Variants in STYXL1 observed in about 807,000 individuals in gnomAD.
STYXL1 encodes the protein serine/threonine/tyrosine-interacting-like protein 1.
STYXL1 carries 32 observed loss-of-function variants against 36.4 expected under a neutral mutation model. The ratio of observed to expected loss-of-function variants is 0.88; its 90% confidence interval spans 0.66 to 1.18. The LOEUF (loss-of-function observed/expected upper bound fraction) is 1.18, where lower values mean the gene tolerates loss of function less well. Among genes scored for constraint, STYXL1 ranks in the 50% most tolerant of loss-of-function variants. The pLI is 0.00. For missense variants in STYXL1, 354 were observed against 394.1 expected (o/e 0.90, Z 0.86); for synonymous variants, 133 against 144.1 (o/e 0.92, Z 0.55).
At position 75,996,380 on chromosome 7, in the gene STYXL1, A is replaced by T. The variant is rs1554563869; in HGVS notation, c.*88T>A. 6.2e-7 allele frequency: 1 copy of T among 1,611,370 alleles called. No individual in the cohort carries two copies. Among genetic ancestry groups the T allele is most frequent in the African/African-American group, 1.3e-5 (1 of 74,880 alleles). On this transcript the variant is annotated 3_prime_UTR_variant, in exon 9 of 9. Transcript: ENST00000359697. ...CAGCAAAGGCCTTCTCCTTCCAGAC[A>T]AGCCTGGGTATACACACTCTGGCCC...
chr7:76,041,372 G>C (rs1034773491), intron 1 of STYXL1, among the ~76,000 whole-genome samples: 1 of 152,012 alleles, frequency 6.6e-6, no homozygotes, highest in Non-Finnish European at 1.5e-5. Flanking sequence ...GGGGTGAGGA[G>C]GGTGTGTTAT....
intron 1 of STYXL1, among the ~76,000 whole-genome samples, chr7:76,046,782 T>C (rs550302769): frequency 2.0e-5 from 3 of 151,008 alleles, no homozygotes; most frequent in African/African-American, 4.9e-5. Flanking sequence ...TCCGGAGTAG[T>C]TGGGGCTACA....
chr7:76,028,574 C>T, intron 3 of STYXL1, 68 bp downstream of exon 3: 2 of 1,468,586 alleles, frequency 1.4e-6, no homozygotes, highest in Admixed American at 1.7e-5. Context: ...GAGGGTGAAA[C>T]TTCCCACTCT....
In STYXL1 at chr7:76,030,437, G is replaced by A; in HGVS notation, c.87C>T (p.Asn29=). The A allele has an allele frequency of 6.2e-7, 1 of 1,612,440 alleles. No individual in the cohort carries two copies. The highest frequency in any genetic ancestry group is 2.2e-5 in the East Asian group (1 of 44,864). The change falls in exon 2 of 9, where the codon AAC becomes AAT. Residue 29 remains asparagine (N), a synonymous_variant. Transcript: ENST00000359697. The part of the protein sequence containing the change: ...ATKLSRLTDP[N]YLCLLDVRSK... ...AGTACTTACCCAATAAACAGAGATA[G>A]TTGGGGTCTGTTAATCTGGAGAGTT...
At chr7:76,033,485 G>A (rs1266049857) in intron 1 of STYXL1, among the ~76,000 whole-genome samples, 1 of 152,164 alleles carries the variant, frequency 6.6e-6, no homozygotes, top group Non-Finnish European at 1.5e-5. Context: ...AGAGCAGAGT[G>A]GAGCCTCTGG....
intron 4 of STYXL1, among the ~76,000 whole-genome samples, chr7:76,020,083 T>C (rs1180347489): frequency 6.6e-6 from 1 of 152,074 alleles, no homozygotes; most frequent in Non-Finnish European, 1.5e-5. Flanking sequence ...TTCCTGTGAA[T>C]GGGGGCCCCA....
intron 3 of STYXL1, among the ~76,000 whole-genome samples, chr7:76,025,606 A>G (rs1554577462): frequency 6.6e-6 from 1 of 152,074 alleles, no homozygotes; most frequent in Non-Finnish European, 1.5e-5. Context: ...CCTGGCCAAC[A>G]TGGCGAAACT....
At position 76,047,730 on chromosome 7, in the gene STYXL1, C is replaced by G; in HGVS notation, c.-73G>C. On this transcript the variant is annotated 5_prime_UTR_variant, in exon 1 of 9. Coordinates refer to ENST00000359697, the MANE Select transcript of STYXL1 (RefSeq NM_001317785.2). ...GAATGGGTTTGGCTGAGGTCGGGGG[C>G]TCGGGTCTGGGACGCGCTCCACCTC... 3.8e-6 allele frequency: 1 copy of G among 260,370 alleles called. No homozygotes were observed. Among genetic ancestry groups the G allele is most frequent in the Non-Finnish European group, 7.4e-6 (1 of 135,424 alleles). The allele number at this position is 260,370 out of a possible 1,614,324, so 16.1% of individuals were successfully genotyped here. A position where few individuals can be genotyped will look rare whatever the true frequency, so the allele number is the denominator to read the frequency against.
chr7:76,039,010 C>G (rs1387740776), intron 1 of STYXL1, among the ~76,000 whole-genome samples: 2 of 143,634 alleles, frequency 1.4e-5, no homozygotes, highest in Non-Finnish European at 3.0e-5. Context: ...TGCAGTGGTG[C>G]AATCTCGGCT....
chr7:76,037,529 A>C (rs1233441698), intron 1 of STYXL1, among the ~76,000 whole-genome samples: 1 of 149,940 alleles, frequency 6.7e-6, no homozygotes, highest in Non-Finnish European at 1.5e-5. Context: ...CTAAGCAGGG[A>C]CCCAGCCAGA....
rs782546212 is a variant in STYXL1 at position 76,021,987 on chromosome 7, AT to A, written c.170del (p.Asn57IlefsTer15). On this transcript the variant is annotated frameshift_variant, in exon 4 of 9. Transcript: ENST00000359697. LOFTEE classifies it high-confidence loss of function. The part of the protein sequence containing the change: ...VITALRVKKK[N>X]NEYLLPESVD... ...CAGACTCCGGGAGAAGATATTCATT[AT>A]TTTTCTTAAAAAAAAAAACACACAC... The A allele has an allele frequency of 5.6e-6, 9 of 1,598,266 alleles. No homozygotes were observed. The South Asian group carries it at 1.0e-4, about 18-fold the overall frequency.
chr7:76,021,739 TCA>T (rs1794098047), intron 4 of STYXL1, 110 bp downstream of exon 4: 1 of 779,594 alleles, frequency 1.3e-6, no homozygotes, highest in Non-Finnish European at 2.2e-6. Flanking sequence ...CCCTGCTGTC[TCA>T]GTGTCATTGG....
At chr7:76,020,789 G>A (rs1326027324) in intron 4 of STYXL1, among the ~76,000 whole-genome samples, 1 of 151,952 alleles carries the variant, frequency 6.6e-6, no homozygotes, top group Non-Finnish European at 1.5e-5. Flanking sequence ...GGGACTACAG[G>A]TATGAGTCAC....
In STYXL1 at chr7:76,047,948, A is replaced by T. The variant is rs1291575372; in HGVS notation, c.-291T>A. On this transcript the variant is annotated 5_prime_UTR_variant, in exon 1 of 9. Transcript: ENST00000359697. ...GACGGCTACGCTAGAACCCAGCCAA[A>T]CACCGGGGTTGCCAGGATGGTCCCA... 2 of 1,452,698 alleles carry T rather than the reference A, an allele frequency of 1.4e-6. No individual in the cohort carries two copies. The highest frequency in any genetic ancestry group is 1.8e-6 in the Non-Finnish European group (2 of 1,103,308). The allele number at this position is 1,452,698 out of a possible 1,614,324, so 90.0% of individuals were successfully genotyped here.
At chr7:76,046,339 TGCGCGCGCGCGC>T (rs60118008) in intron 1 of STYXL1, among the ~76,000 whole-genome samples, 1 of 44,906 alleles carries the variant, frequency 2.2e-5, no homozygotes, top group African/African-American at 7.3e-5. Context: ...TGTGTGTGTG[TGCGCGCGCGCGC>T]GCGCGCGCTT....
intron 8 of STYXL1, among the ~76,000 whole-genome samples, chr7:76,000,083 C>T (rs188758919): frequency 3.3e-5 from 5 of 151,714 alleles, no homozygotes; most frequent in East Asian, 3.9e-4. Context: ...CCCAGCTACG[C>T]GGGAGGCAGA....
chr7:76,042,095 T>A (rs1796523717), intron 1 of STYXL1, among the ~76,000 whole-genome samples: 1 of 152,162 alleles, frequency 6.6e-6, no homozygotes, highest in Admixed American at 6.5e-5. Context: ...TGTGTGTGAG[T>A]CTGTGTATAT....
In STYXL1 at chr7:75,996,431, A is replaced by C. The variant is rs782149132; in HGVS notation, c.*37T>G. ...TCCACCCACAAAATGCCCCCAGGTG[A>C]GGCTCTTCAGTACCCTTCGGTGGGC... On this transcript the variant is annotated 3_prime_UTR_variant, in exon 9 of 9. Coordinates refer to ENST00000359697, the MANE Select transcript of STYXL1 (RefSeq NM_001317785.2). 6.2e-7 allele frequency: 1 copy of C among 1,614,060 alleles called. No individual in the cohort carries two copies. Among genetic ancestry groups the C allele is most frequent in the Admixed American group, 1.7e-5 (1 of 60,022 alleles).
chr7:75,999,538 T>TGAGA (rs1554565685), intron 8 of STYXL1, among the ~76,000 whole-genome samples: 7 of 138,422 alleles, frequency 5.1e-5, no homozygotes, highest in East Asian at 2.0e-4. Flanking sequence ...TGTGTGTGTG[T>TGAGA]GTGTGTGTGT....
Sources: allele counts gnomAD v4.1 joint callset (sites outside exome capture counted in the v4.1 genomes callset), GRCh38; gene constraint gnomAD v4.1.1; transcripts MANE v1.5; gene names NCBI Gene and HGNC (gene_info 2026-07-23, HGNC 2026-07-21).